The following TMC5 variants were observed in gnomAD, a reference collection of about 807,000 sequenced individuals.
TMC5 encodes transmembrane channel like 5, also known as transmembrane channel-like protein 5.
TMC5 carries 86 observed loss-of-function variants against 110.5 expected under a neutral mutation model. That is an observed-to-expected ratio of 0.78 (90% CI 0.65 to 0.93). TMC5 has a LOEUF of 0.93. Ranked by LOEUF, TMC5 falls within the 40% of genes least tolerant of loss-of-function variation. TMC5 has a pLI of 0.00. For synonymous variants in TMC5, 455 were observed against 439.5 expected (o/e 1.04, Z -0.44); for missense variants, 1,144 against 1,222.8 (o/e 0.94, Z 0.96).
At chr16:19,484,692 C>T (rs1968694374) in intron 15 of TMC5, among the ~76,000 whole-genome samples, 2 of 148,712 alleles carry the variant, frequency 1.3e-5, no homozygotes, top group South Asian at 2.1e-4. Context: ...ACCAGGGAGG[C>T]GGAGGTTGTA....
chr16:19,493,465 C>CTTTCTCTCTCTCTTTCT (rs1555486909), intron 19 of TMC5, among the ~76,000 whole-genome samples: 66 of 74,802 alleles, frequency 8.8e-4, no homozygotes, highest in African/African-American at 1.3e-3. Flanking sequence ...CTCTCTCTCT[C>CTTTCTCTCTCTCTTTCT]TTTTTTTTTT....
chr16:19,458,450 T>G (rs1406343881), intron 5 of TMC5, among the ~76,000 whole-genome samples: 1 of 152,080 alleles, frequency 6.6e-6, no homozygotes, highest in Non-Finnish European at 1.5e-5. Flanking sequence ...CGACCTCAGG[T>G]GATCTGCCTG....
At chr16:19,474,311 T>G in intron 12 of TMC5, 35 bp downstream of exon 12, 1 of 1,601,272 alleles carries the variant, frequency 6.2e-7, no homozygotes, top group South Asian at 1.1e-5. Flanking sequence ...CCAGCCTCTA[T>G]TTCCACAGAG....
chr16:19,442,900 T>G (rs1489455738), intron 3 of TMC5, among the ~76,000 whole-genome samples: 4 of 152,174 alleles, frequency 2.6e-5, no homozygotes, highest in Admixed American at 1.3e-4. Flanking sequence ...CACTGCCTGA[T>G]TCATCATTCC....
In TMC5 at chr16:19,444,032, T is replaced by C. The variant is rs760444120; in HGVS notation, c.789-49T>C. The C allele has an allele frequency of 2.0e-6, 3 of 1,509,092 alleles. No individual in the cohort carries two copies. The South Asian group carries it at 3.6e-5, about 18-fold the overall frequency. The allele number at this position is 1,509,092 out of a possible 1,614,324, so 93.5% of individuals were successfully genotyped here. On this transcript the variant is annotated intron_variant, in intron 3 of 21. Transcript: ENST00000542583. ...GGATGGATGGATGGATGGATGACAA[T>C]CCTTACTATACTCTTGGTTGGATAG... is the stretch of plus-strand genomic sequence containing the variant.
At chr16:19,435,056 G>A (rs1041821602) in intron 2 of TMC5, among the ~76,000 whole-genome samples, 1 of 152,050 alleles carries the variant, frequency 6.6e-6, no homozygotes, top group Non-Finnish European at 1.5e-5. Context: ...CATTGGTTCC[G>A]ATTTTCTTTG....
intron 8 of TMC5, 88 bp downstream of exon 8, chr16:19,464,112 C>A: frequency 6.9e-7 from 1 of 1,457,986 alleles, no homozygotes; most frequent in South Asian, 1.3e-5. Flanking sequence ...TCACACCTCT[C>A]ATTTTGCCTG....
In TMC5 at chr16:19,466,164, A is replaced by G. The variant is rs756989647; in HGVS notation, c.1568A>G (p.Asn523Ser). The change falls in exon 9 of 22, where the codon AAC becomes AGC. Residue 523 changes from asparagine (N) to serine (S), a missense_variant. By Grantham distance (46) the Asn-to-Ser change is conservative. Transcript: ENST00000542583. ...CACGGGAACAGCGGGGCATCCTACAACATGCAGCTGGCCTACATCTTCACA... is the reference window on the plus strand; with the variant it reads ...CACGGGAACAGCGGGGCATCCTACAGCATGCAGCTGGCCTACATCTTCACA... ...IQHGNSGASY[N>S]MQLAYIFTIG... 1.2e-6 allele frequency: 2 copies of G among 1,614,058 alleles called. No individual in the cohort carries two copies. The highest frequency in any genetic ancestry group is 1.7e-6 in the Non-Finnish European group (2 of 1,180,024).
chr16:19,435,718 C>T (rs1021077459), intron 2 of TMC5, among the ~76,000 whole-genome samples: 6 of 152,168 alleles, frequency 3.9e-5, no homozygotes, highest in Non-Finnish European at 5.9e-5. Flanking sequence ...ACTATTTTGA[C>T]TTCTGTCACC....
chr16:19,445,367 C>A (rs1270555942), intron 4 of TMC5, among the ~76,000 whole-genome samples: 1 of 151,898 alleles, frequency 6.6e-6, no homozygotes, highest in Non-Finnish European at 1.5e-5. Context: ...CTCAGCCTAC[C>A]CAGTAGCAGG....
chr16:19,492,309 AC>A, intron 19 of TMC5, 81 bp downstream of exon 19: 1 of 938,540 alleles, frequency 1.1e-6, no homozygotes. Flanking sequence ...TAAAGAGAAT[AC>A]TACAATGAAC....
intron 3 of TMC5, among the ~76,000 whole-genome samples, chr16:19,443,760 G>A (rs1049944753): frequency 2.6e-5 from 4 of 152,140 alleles, no homozygotes; most frequent in African/African-American, 9.7e-5. Context: ...ATGAATGTAT[G>A]TATGGTTGGA....
At chr16:19,469,268 C>A (rs951306252) in intron 9 of TMC5, among the ~76,000 whole-genome samples, 1 of 150,346 alleles carries the variant, frequency 6.7e-6, no homozygotes, top group Non-Finnish European at 1.5e-5. Flanking sequence ...GCAGGAGAAT[C>A]GCTTGAACCT....
At chr16:19,444,452 TAGGTAAG>T in intron 4 of TMC5, among the ~76,000 whole-genome samples, 1 of 152,192 alleles carries the variant, frequency 6.6e-6, no homozygotes, top group South Asian at 2.1e-4. Context: ...AAAAAAATGC[TAGGTAAG>T]AGTTGTGGAA....
intron 2 of TMC5, among the ~76,000 whole-genome samples, chr16:19,438,986 G>A (rs1967419736): frequency 6.6e-6 from 1 of 152,196 alleles, no homozygotes; most frequent in South Asian, 2.1e-4. Flanking sequence ...AAATGGAAGT[G>A]AGGTTCAGGA....
chr16:19,463,455 C>A, intron 7 of TMC5, 88 bp downstream of exon 7: 5 of 1,128,574 alleles, frequency 4.4e-6, no homozygotes, highest in Admixed American at 3.5e-5. Context: ...GAAGATGAAC[C>A]AAAAATCAGA....
chr16:19,486,838 C>A (rs1392139879), intron 15 of TMC5, 107 bp from the exon 16 acceptor site: 10 of 964,476 alleles, frequency 1.0e-5, no homozygotes, highest in Non-Finnish European at 1.6e-5. Context: ...TGGGGACACA[C>A]AATCCAGGCC....
intron 4 of TMC5, among the ~76,000 whole-genome samples, chr16:19,444,892 A>C (rs1967577274): frequency 1.3e-5 from 2 of 152,222 alleles, no homozygotes; most frequent in African/African-American, 4.8e-5. Flanking sequence ...AGCACTTGGG[A>C]GGTCGAGGCG....
intron 1 of TMC5, among the ~76,000 whole-genome samples, chr16:19,420,950 C>T (rs114777892): frequency 0.025 from 3,854 of 152,078 alleles, 195 homozygotes; most frequent in African/African-American, 0.089. Context: ...ATAAATTACA[C>T]GATCAGAGGA....
Sources: gnomAD v4.1 joint callset for allele counts (sites outside exome capture counted in the v4.1 genomes callset) on GRCh38, gnomAD v4.1.1 for gene constraint, MANE v1.5 for transcripts, NCBI Gene and HGNC (gene_info 2026-07-23, HGNC 2026-07-21) for gene names.